Variants in HNRNPA2B1 observed in about 807,000 individuals in gnomAD.
HNRNPA2B1 encodes heterogeneous nuclear ribonucleoproteins A2/B1.
HNRNPA2B1 carries 3 observed loss-of-function variants against 46.3 expected under a neutral mutation model. The observed-to-expected ratio is 0.06, with a 90% CI of 0.03 to 0.17. The LOEUF (loss-of-function observed/expected upper bound fraction) is 0.17. Among genes scored for constraint, HNRNPA2B1 ranks in the 10% least tolerant of loss-of-function variants. The probability of loss-of-function intolerance (pLI) is 1.00; values close to 1 mark genes in which losing one functional copy is unlikely to be tolerated. For missense variants in HNRNPA2B1, 221 were observed against 418.9 expected, an observed-to-expected ratio of 0.53 and a Z score of 4.12; for synonymous variants, 225 against 133.8, an observed-to-expected ratio of 1.68 and a Z score of -4.70.
At chr7:26,194,400 A>AAGGAG (rs1783267389) in intron 7 of HNRNPA2B1, among the ~76,000 whole-genome samples, 2 of 151,702 alleles carry the variant, frequency 1.3e-5, no homozygotes. Flanking sequence ...CCTCTCAAAA[A>AAGGAG]ACGAAACAAT....
chr7:26,200,681 C>G lies in HNRNPA2B1; in HGVS notation c.-104G>C. The G allele has an allele frequency of 7.0e-7, 1 of 1,422,952 alleles. No individual in the cohort carries two copies. The highest frequency in any genetic ancestry group is 2.3e-5 in the East Asian group (1 of 44,022). The allele number at this position is 1,422,952 out of a possible 1,614,324, so 88.1% of individuals were successfully genotyped here. A position where few individuals can be genotyped will look rare whatever the true frequency, so the allele number is the denominator to read the frequency against. ...ACTCGTCCTGGCGCTGTAGTGAGAA[C>G]TGCCGCTGCTCGAGAAACAACTCTG... On this transcript the variant is annotated 5_prime_UTR_variant, in exon 1 of 11. Coordinates refer to ENST00000618183, the MANE Select transcript of HNRNPA2B1 (RefSeq NM_002137.4).
At chr7:26,197,244 G>C (rs1463675754) in intron 3 of HNRNPA2B1, 71 bp downstream of exon 3, 3 of 1,487,978 alleles carry the variant, frequency 2.0e-6, no homozygotes, top group Non-Finnish European at 2.7e-6. Flanking sequence ...ACTAAATTCA[G>C]AAATAGTTTC....
intron 3 of HNRNPA2B1, 57 bp from the exon 4 acceptor site, chr7:26,197,074 A>T: frequency 7.2e-7 from 1 of 1,387,050 alleles, no homozygotes; most frequent in South Asian, 1.2e-5. Context: ...AGCATAATTC[A>T]AAGCACCCAA....
chr7:26,193,699 T>G lies in HNRNPA2B1; in HGVS notation c.722-5A>C. 1 of 1,610,676 alleles carries G rather than the reference T, an allele frequency of 6.2e-7. No individual in the cohort carries two copies. Among genetic ancestry groups the G allele is most frequent in the East Asian group, 2.2e-5 (1 of 44,820 alleles). On this transcript the variant is annotated splice_region_variant and splice_polypyrimidine_tract_variant and intron_variant, in intron 7 of 10. Coordinates refer to ENST00000618183, the MANE Select transcript of HNRNPA2B1 (RefSeq NM_002137.4). ...GGCTACCTCCAAAATTGCCACCTATTATAAAATAAGCCTTTAAGTAATCAC... is the reference window on the plus strand; with the variant it reads ...GGCTACCTCCAAAATTGCCACCTATGATAAAATAAGCCTTTAAGTAATCAC...
chr7:26,200,236 C>A (rs1020443252), intron 1 of HNRNPA2B1: 12 of 325,772 alleles, frequency 3.7e-5, no homozygotes, highest in African/African-American at 2.6e-4. Flanking sequence ...GCCGAGGAGA[C>A]GCCGTGGCCC....
chr7:26,198,359 G>T (rs1783915902), intron 1 of HNRNPA2B1: 1 of 152,366 alleles, frequency 6.6e-6, no homozygotes, highest in African/African-American at 2.4e-5. Context: ...ATATGCATTA[G>T]AAATAACCTT....
chr7:26,198,514 T>C (rs908058599), intron 1 of HNRNPA2B1: 1 of 152,214 alleles, frequency 6.6e-6, no homozygotes, highest in Non-Finnish European at 1.5e-5. Context: ...ATATGTACAA[T>C]AAAATACATT....
At chr7:26,197,095 A>C (rs1783725814) in intron 3 of HNRNPA2B1, 78 bp from the exon 4 acceptor site, 6 of 1,219,788 alleles carry the variant, frequency 4.9e-6, no homozygotes, top group Non-Finnish European at 7.0e-6. Context: ...CCGTAGTACC[A>C]TACTTCGCTT....
At chr7:26,197,935 C>G (rs1783831194) in intron 1 of HNRNPA2B1, 2 of 1,058,292 alleles carry the variant, frequency 1.9e-6, no homozygotes, top group Admixed American at 3.2e-5. Flanking sequence ...TTGTGTTACA[C>G]CAAAAAATTG....
rs968265003 is a variant in HNRNPA2B1 at position 26,191,066 on chromosome 7, G to GA, written c.*1293dup. On this transcript the variant is annotated 3_prime_UTR_variant, in exon 11 of 11. Coordinates refer to ENST00000618183, the MANE Select transcript of HNRNPA2B1 (RefSeq NM_002137.4). ...GATCACTTGGCTTGCCTCAGCTGTT[G>GA]AAATGAAGCACTTTACAGTCTTTGT... The GA allele has an allele frequency of 6.6e-6, 1 of 151,532 alleles. No individual in the cohort carries two copies. The highest frequency in any genetic ancestry group is 2.4e-5 in the African/African-American group (1 of 41,134). 9.4% of individuals were successfully genotyped at this position (151,532 alleles called of 1,614,324 possible).
rs775193659 is a variant in HNRNPA2B1, at chr7:26,193,739, A to G, written c.722-45T>C. ...TAAGTAATCACTTAATATTTTCAAT[A>G]CCATTTTGAACTGTCTCCTCACATC... On this transcript the variant is annotated intron_variant, in intron 7 of 10. Coordinates refer to ENST00000618183, the MANE Select transcript of HNRNPA2B1 (RefSeq NM_002137.4). 5.3e-6 allele frequency: 8 copies of G among 1,495,794 alleles called. No homozygotes were observed. The South Asian group carries it at 7.0e-5, about 13-fold the overall frequency. 92.7% of individuals were successfully genotyped at this position (1,495,794 alleles called of 1,614,324 possible).
chr7:26,196,733 A>C (rs769815304), intron 4 of HNRNPA2B1, 74 bp downstream of exon 4: 89 of 1,562,124 alleles, frequency 5.7e-5, no homozygotes, highest in Non-Finnish European at 7.6e-5. Context: ...ACCTTTCAAT[A>C]AAGTTACAGA....
At position 26,197,702 on chromosome 7, in the gene HNRNPA2B1, T is replaced by G; in HGVS notation, c.37A>C (p.Ile13Leu). 6.2e-7 allele frequency: 1 copy of G among 1,613,890 alleles called. No individual in the cohort carries two copies. The highest frequency in any genetic ancestry group is 8.5e-7 in the Non-Finnish European group (1 of 1,179,838). The change falls in exon 2 of 11, where the codon ATT becomes CTT. Residue 13 changes from isoleucine (I) to leucine (L), a missense_variant. By Grantham distance (5) the Ile-to-Leu change is conservative. Transcript: ENST00000618183. ...GTGGTTTCAAAGCTTAAGCCACCAA[T>G]AAAGAGCTTACGGAACTGTTCCTTT... The part of the protein sequence containing the change: ...REKEQFRKLF[I>L]GGLSFETTEE...
intron 6 of HNRNPA2B1, 87 bp downstream of exon 6, chr7:26,196,314 G>T: frequency 9.2e-7 from 1 of 1,088,260 alleles, no homozygotes; most frequent in Non-Finnish European, 1.3e-6. Context: ...GACTTAGGTT[G>T]GATTTCTTGA....
At chr7:26,195,692 G>T in intron 7 of HNRNPA2B1, 155 bp downstream of exon 7, 2 of 755,172 alleles carry the variant, frequency 2.6e-6, no homozygotes, top group Non-Finnish European at 4.2e-6. Context: ...AGCTAAGATG[G>T]CAAAACTACT....
chr7:26,197,218 A>G (rs76555491), intron 3 of HNRNPA2B1, 97 bp downstream of exon 3: 2 of 1,424,506 alleles, frequency 1.4e-6, no homozygotes, highest in Non-Finnish European at 1.9e-6. Context: ...AATAAGAGAA[A>G]AAATCTTGAG....
At position 26,195,920 on chromosome 7, in the gene HNRNPA2B1, C is replaced by A; in HGVS notation, c.659-11G>T. ...CACTGCCATATCCATCTGTTAGGGG[C>A]CAAAAAAAGATTACGTTTACTATAA... On this transcript the variant is annotated splice_polypyrimidine_tract_variant and intron_variant, in intron 6 of 10. Transcript: ENST00000618183. 1 of 1,597,348 alleles carries A rather than the reference C, an allele frequency of 6.3e-7. No individual in the cohort carries two copies. Among genetic ancestry groups the A allele is most frequent in the Non-Finnish European group, 8.5e-7 (1 of 1,175,448 alleles).
Position 26,190,528 on chromosome 7 carries a change from C to CAGT in HNRNPA2B1, c.*1829_*1831dup, listed in dbSNP as rs549106163. ...TTGTCCAAAAGAACCTAAACAACTT[C>CAGT]AGTGGTGGTCTTAGGATCAAAGAAG... On this transcript the variant is annotated 3_prime_UTR_variant, in exon 11 of 11. Coordinates refer to ENST00000618183, the MANE Select transcript of HNRNPA2B1 (RefSeq NM_002137.4). The CAGT allele has an allele frequency of 2.0e-5, 3 of 152,398 alleles. No homozygotes were observed. The South Asian group carries it at 6.2e-4, about 32-fold the overall frequency. The allele number at this position is 152,398 out of a possible 1,614,324, so 9.4% of individuals were successfully genotyped here.
Position 26,191,293 on chromosome 7 carries a change from T to C in HNRNPA2B1, c.*1067A>G, listed in dbSNP as rs967735646. ...TATAAAAATTATTCTCTTGAGTTTATAAATTGTTAAACTCAATTTATAGCT... is the reference window on the plus strand; with the variant it reads ...TATAAAAATTATTCTCTTGAGTTTACAAATTGTTAAACTCAATTTATAGCT... On this transcript the variant is annotated 3_prime_UTR_variant, in exon 11 of 11. Transcript: ENST00000618183. 2.6e-5 allele frequency: 4 copies of C among 152,226 alleles called. No homozygotes were observed. The highest frequency in any genetic ancestry group is 5.9e-5 in the Non-Finnish European group (4 of 68,018). 9.4% of individuals were successfully genotyped at this position (152,226 alleles called of 1,614,324 possible). A position where few individuals can be genotyped will look rare whatever the true frequency, so the allele number is the denominator to read the frequency against.
Sources: gnomAD v4.1 joint callset for allele counts (sites outside exome capture counted in the v4.1 genomes callset) on GRCh38, gnomAD v4.1.1 for gene constraint, MANE v1.5 for transcripts, NCBI Gene and HGNC (gene_info 2026-07-23, HGNC 2026-07-21) for gene names.